CSMD1: variants seen among roughly 807,000 people sequenced by gnomAD.
The protein encoded by CSMD1 is CUB and sushi domain-containing protein 1.
CSMD1 carries 213 observed loss-of-function variants against 417.5 expected under a neutral mutation model. The observed-to-expected ratio is 0.51, with a 90% CI of 0.46 to 0.57. The LOEUF (loss-of-function observed/expected upper bound fraction) is 0.57, where lower values mean the gene tolerates loss of function less well. Among genes scored for constraint, CSMD1 ranks in the 20% least tolerant of loss-of-function variants. The pLI is 0.00. For missense variants in CSMD1, 6,923 were observed against 4,529.7 expected (o/e 1.53, Z -15.17); for synonymous variants, 2,862 against 1,736.8 (o/e 1.65, Z -16.11).
At chr8:4,067,238 C>G (rs968630770) in intron 3 of CSMD1, among the ~76,000 whole-genome samples, 7 of 152,138 alleles carry the variant, frequency 4.6e-5, no homozygotes, top group Non-Finnish European at 8.8e-5. Flanking sequence ...GTCAGATGTT[C>G]AAGACAGATA....
At chr8:3,829,174 G>A (rs1356713363) in intron 5 of CSMD1, among the ~76,000 whole-genome samples, 3 of 151,784 alleles carry the variant, frequency 2.0e-5, no homozygotes, top group Non-Finnish European at 4.4e-5. Context: ...TTTATCCCTC[G>A]CCCTCCTTTC....
chr8:3,757,626 G>A (rs370562529), intron 5 of CSMD1, among the ~76,000 whole-genome samples: 1 of 152,102 alleles, frequency 6.6e-6, no homozygotes, highest in African/African-American at 2.4e-5. Context: ...ACTTTGGGAT[G>A]CCAAGGTGGG....
intron 5 of CSMD1, among the ~76,000 whole-genome samples, chr8:3,957,264 G>A (rs56739663): frequency 0.016 from 2,414 of 152,244 alleles, 55 homozygotes; most frequent in African/African-American, 0.054. Flanking sequence ...TTTCACTATC[G>A]CAGTGGGGAT....
intron 10 of CSMD1, among the ~76,000 whole-genome samples, chr8:3,548,419 G>T (rs988503050): frequency 5.1e-4 from 77 of 152,000 alleles, no homozygotes; most frequent in African/African-American, 1.8e-3. Context: ...ACTGCACCCA[G>T]TTTGTAGTCT....
intron 38 of CSMD1, among the ~76,000 whole-genome samples, chr8:3,161,673 T>G (rs1205900349): frequency 1.3e-5 from 2 of 149,966 alleles, no homozygotes; most frequent in East Asian, 1.9e-4. Context: ...ATAGTAAAAG[T>G]TCATTGAAAA....
chr8:4,679,026 T>C (rs936771974), intron 1 of CSMD1, among the ~76,000 whole-genome samples: 10 of 152,200 alleles, frequency 6.6e-5, no homozygotes, highest in African/African-American at 2.2e-4. Context: ...CTGCCCAAGA[T>C]GGTTCATTGT....
At chr8:4,061,192 A>G (rs547050847) in intron 3 of CSMD1, among the ~76,000 whole-genome samples, 2 of 152,180 alleles carry the variant, frequency 1.3e-5, no homozygotes, top group Non-Finnish European at 2.9e-5. Flanking sequence ...CAGTTCTAAC[A>G]TGAGCCCTTT....
intron 2 of CSMD1, among the ~76,000 whole-genome samples, chr8:4,595,182 C>T (rs1161378335): frequency 6.6e-6 from 1 of 151,844 alleles, no homozygotes; most frequent in Non-Finnish European, 1.5e-5. Flanking sequence ...TAATTAATTG[C>T]AGAAACATCC....
intron 6 of CSMD1, among the ~76,000 whole-genome samples, chr8:3,709,678 A>ATCTTTTTTTTTTTTTTTTTTTTTTTT (rs1563296488): frequency 4.1e-5 from 1 of 24,322 alleles, no homozygotes; most frequent in South Asian, 1.6e-3. Context: ...TTGCAGCAGC[A>ATCTTTTTTTTTTTTTTTTTTTTTTTT]TGTTTTTTTT....
At position 4,927,698 on chromosome 8, in the gene CSMD1, G is replaced by A. The variant is rs141620865; in HGVS notation, c.85+66634C>T. ...GACACTGTGAACTAGGGCTAAGGGA[G>A]TAGATATGTCAGATGATACTTATCT... On this transcript the variant is annotated intron_variant, in intron 1 of 69. Transcript: ENST00000635120. Among the ~76,000 whole-genome samples, 10 of 152,308 alleles carry A rather than the reference G, an allele frequency of 6.6e-5. 1 individual carries two copies. Among genetic ancestry groups the A allele is most frequent in the African/African-American group, 2.2e-4 (9 of 41,568 alleles).
chr8:4,431,477 G>C (rs976061044), intron 2 of CSMD1, among the ~76,000 whole-genome samples: 1 of 152,092 alleles, frequency 6.6e-6, no homozygotes, highest in Non-Finnish European at 1.5e-5. Context: ...AGAGAGAGAA[G>C]AAAGTAGAGA....
intron 6 of CSMD1, among the ~76,000 whole-genome samples, chr8:3,709,364 C>A (rs960931741): frequency 1.3e-5 from 2 of 152,148 alleles, no homozygotes; most frequent in Non-Finnish European, 2.9e-5. Flanking sequence ...AGGGTGGCCC[C>A]ATGACCTAGG....
At chr8:3,973,787 T>C (rs555591346) in intron 5 of CSMD1, among the ~76,000 whole-genome samples, 1 of 152,320 alleles carries the variant, frequency 6.6e-6, no homozygotes, top group East Asian at 1.9e-4. Context: ...AGACACAGTA[T>C]CTATTTCTCA....
chr8:3,897,811 T>C (rs1230137541), intron 5 of CSMD1, among the ~76,000 whole-genome samples: 1 of 152,216 alleles, frequency 6.6e-6, no homozygotes, highest in Non-Finnish European at 1.5e-5. Context: ...CTTCGTAAGT[T>C]CATCTCCATC....
chr8:4,116,784 G>A (rs189506736), intron 3 of CSMD1, among the ~76,000 whole-genome samples: 19 of 151,658 alleles, frequency 1.3e-4, no homozygotes, highest in African/African-American at 4.6e-4. Flanking sequence ...TAGTCTGTTC[G>A]GTTTTGCTGT....
At chr8:4,071,952 G>C (rs907483028) in intron 3 of CSMD1, among the ~76,000 whole-genome samples, 4 of 152,074 alleles carry the variant, frequency 2.6e-5, no homozygotes, top group Non-Finnish European at 5.9e-5. Context: ...CCACAGTGTG[G>C]GGCTCTCCAG....
intron 26 of CSMD1, among the ~76,000 whole-genome samples, chr8:3,233,119 C>G (rs1217162117): frequency 6.6e-6 from 1 of 151,214 alleles, no homozygotes; most frequent in Admixed American, 6.6e-5. Flanking sequence ...TTTATTTGGC[C>G]TAATTTTTCT....
intron 1 of CSMD1, among the ~76,000 whole-genome samples, chr8:4,649,694 A>T (rs534120504): frequency 3.9e-4 from 60 of 152,362 alleles, no homozygotes; most frequent in African/African-American, 1.3e-3. Flanking sequence ...ATTGGAAAAA[A>T]AATTAAACGT....
intron 10 of CSMD1, among the ~76,000 whole-genome samples, chr8:3,527,472 T>C (rs960548131): frequency 3.9e-5 from 6 of 152,210 alleles, no homozygotes; most frequent in South Asian, 4.1e-4. Context: ...GGGTGGGATG[T>C]CACTATGAAA....
Sources: allele counts gnomAD v4.1 joint callset (sites outside exome capture counted in the v4.1 genomes callset), GRCh38; gene constraint gnomAD v4.1.1; transcripts MANE v1.5; gene names NCBI Gene and HGNC (gene_info 2026-07-23, HGNC 2026-07-21).